Variants in GRAMD1B observed in about 807,000 individuals in gnomAD.
GRAMD1B encodes GRAM domain containing 1B.
A neutral mutation model predicts 99.7 loss-of-function variants in GRAMD1B; 37 were observed. The ratio of observed to expected loss-of-function variants is 0.37; its 90% CI spans 0.29 to 0.49. The LOEUF is 0.49. GRAMD1B is among the 20% of genes least tolerant of loss of function. The pLI, the probability that GRAMD1B is intolerant of heterozygous loss-of-function variation, is 0.98. For missense variants in GRAMD1B, 888 were observed against 1,009.2 expected, an observed-to-expected ratio of 0.88 and a Z score of 1.63; for synonymous variants, 427 against 387.6, an observed-to-expected ratio of 1.10 and a Z score of -1.19.
At chr11:123,561,662 G>A (rs970142451) in intron 2 of GRAMD1B, among the ~76,000 whole-genome samples, 27 of 152,236 alleles carry the variant, frequency 1.8e-4, no homozygotes, top group African/African-American at 6.3e-4. Flanking sequence ...AGCCATCTTT[G>A]CCTCTTCTCT....
At chr11:123,604,567 G>A (rs1405551066) in intron 9 of GRAMD1B, among the ~76,000 whole-genome samples, 4 of 152,218 alleles carry the variant, frequency 2.6e-5, no homozygotes, top group Non-Finnish European at 5.9e-5. Context: ...AGGGAAAAAA[G>A]CAAGAAAAGA....
At chr11:123,514,827 T>G (rs1385544933) in intron 2 of GRAMD1B, among the ~76,000 whole-genome samples, 1 of 152,138 alleles carries the variant, frequency 6.6e-6, no homozygotes, top group African/African-American at 2.4e-5. Context: ...TCTGATAACT[T>G]TATTATTACT....
intron 2 of GRAMD1B, among the ~76,000 whole-genome samples, chr11:123,495,932 A>G (rs1939202525): frequency 6.6e-6 from 1 of 152,154 alleles, no homozygotes; most frequent in Non-Finnish European, 1.5e-5. Flanking sequence ...AAAAGTTGCC[A>G]TAGATATTAT....
chr11:123,426,613 T>C (rs549530598), upstream of GRAMD1B, among the ~76,000 whole-genome samples: 10 of 152,260 alleles, frequency 6.6e-5, no homozygotes, highest in African/African-American at 2.2e-4. Flanking sequence ...TCGAATGTTG[T>C]GTAGGGGAGA....
chr11:123,425,606 A>T (rs1267207379), upstream of GRAMD1B, among the ~76,000 whole-genome samples: 1 of 152,214 alleles, frequency 6.6e-6, no homozygotes, highest in Admixed American at 6.5e-5. Flanking sequence ...TGTTGGAAAC[A>T]AAGAGCTGAC....
chr11:123,371,390 G>A (rs1343931481), intron 1 of GRAMD1B, among the ~76,000 whole-genome samples: 3 of 152,120 alleles, frequency 2.0e-5, no homozygotes, highest in Non-Finnish European at 4.4e-5. Flanking sequence ...CTATAATTGT[G>A]AGCCTTTTCT....
intron 2 of GRAMD1B, among the ~76,000 whole-genome samples, chr11:123,529,172 GAC>G (rs1228264981): frequency 9.3e-6 from 1 of 107,784 alleles, no homozygotes; most frequent in Non-Finnish European, 2.3e-5. Flanking sequence ...TCACACCTCC[GAC>G]ACATGTGTAC....
chr11:123,598,570 A>T, intron 7 of GRAMD1B: 1 of 1,553,252 alleles, frequency 6.4e-7, no homozygotes, highest in Non-Finnish European at 8.9e-7. Flanking sequence ...GTATCAAGTG[A>T]CTCTAGGGAC....
At chr11:123,481,979 G>A (rs1444548646) in intron 2 of GRAMD1B, among the ~76,000 whole-genome samples, 2 of 152,046 alleles carry the variant, frequency 1.3e-5, no homozygotes, top group Non-Finnish European at 2.9e-5. Flanking sequence ...GCTGAGAGGG[G>A]GTAGAGAACA....
chr11:123,387,529 G>A (rs1206764893), intron 1 of GRAMD1B, among the ~76,000 whole-genome samples: 1 of 152,084 alleles, frequency 6.6e-6, no homozygotes, highest in African/African-American at 2.4e-5. Flanking sequence ...TGCCAGGTGA[G>A]TGGGTTTGGA....
At chr11:123,592,070 C>G (rs1380985866) in intron 4 of GRAMD1B, among the ~76,000 whole-genome samples, 1 of 152,172 alleles carries the variant, frequency 6.6e-6, no homozygotes, top group Non-Finnish European at 1.5e-5. Flanking sequence ...AATAGGAAGA[C>G]TTGGGGCTTC....
chr11:123,552,969 G>A (rs917877370), intron 2 of GRAMD1B, among the ~76,000 whole-genome samples: 30 of 152,154 alleles, frequency 2.0e-4, no homozygotes, highest in African/African-American at 7.0e-4. Flanking sequence ...GTTTTCTAAA[G>A]TTATTTAGAT....
At chr11:123,520,512 T>A (rs1444212492) in intron 2 of GRAMD1B, among the ~76,000 whole-genome samples, 1 of 152,128 alleles carries the variant, frequency 6.6e-6, no homozygotes, top group East Asian at 1.9e-4. Flanking sequence ...GGCTCACACC[T>A]GCAATCCCAG....
chr11:123,431,871 C>A, intron 1 of GRAMD1B: 1 of 391,204 alleles, frequency 2.6e-6, no homozygotes, highest in Non-Finnish European at 4.5e-6. Flanking sequence ...TGCTGCAGGG[C>A]GCCCTAGAGC....
intron 1 of GRAMD1B, chr11:123,432,137 A>G (rs1948922963): frequency 2.5e-6 from 1 of 398,532 alleles, no homozygotes; most frequent in East Asian, 3.6e-5. Context: ...GTAAGTACTT[A>G]CTGAATATTT....
At chr11:123,548,611 T>TTTACTTTCCTCCTGGGTCTTGTG in intron 2 of GRAMD1B, among the ~76,000 whole-genome samples, 1 of 150,088 alleles carries the variant, frequency 6.7e-6, no homozygotes, top group Non-Finnish European at 1.5e-5. Context: ...AATTGAATGC[T>TTTACTTTCCTCCTGGGTCTTGTG]TGAAATGAAT....
At position 123,605,472 on chromosome 11, in the gene GRAMD1B, C is replaced by A. The variant is rs762055409; in HGVS notation, c.1317C>A (p.Pro439=). 8.1e-6 allele frequency: 13 copies of A among 1,609,552 alleles called. No homozygotes were observed. The Admixed American group carries it at 2.2e-4, about 27-fold the overall frequency. ...TLTSTGSSEA[P]VSFDGLPLEE... ...CATCCACAGGGAGCAGTGAGGCCCC[C>A]GTCTCGGTATGGGCAGTCAGCCTTT... Residue 439 remains proline, a synonymous_variant, in exon 10 of 20, where the codon CCC becomes CCA. Transcript: ENST00000635736.
At chr11:123,457,061 GTGATGGCACCACTGCACTCTAACC>G (rs1950164808) in intron 1 of GRAMD1B, among the ~76,000 whole-genome samples, 1 of 144,406 alleles carries the variant, frequency 6.9e-6, no homozygotes, top group African/African-American at 2.6e-5. Context: ...GCAGTGAGCT[GTGATGGCACCACTGCACTCTAACC>G]TGGGTGACAG....
At position 123,610,507 on chromosome 11, in the gene GRAMD1B, T is replaced by G. The variant is rs1278946374; in HGVS notation, c.1919+169T>G. The stretch of plus-strand genomic sequence containing the variant: ...GGCTCACCCACCACTCTGTTTGAGT[T>G]AATTATTCTCTCCACTCTCTACATC... On this transcript the variant is annotated intron_variant, in intron 14 of 19. Coordinates refer to ENST00000635736, the MANE Select transcript of GRAMD1B (RefSeq NM_001387025.1). This position sits in a 1 kb window ranked among gnomAD's most constrained non-coding sequence, Gnocchi z 4.1. Among the ~76,000 whole-genome samples the G allele has an allele frequency of 6.6e-6, 1 of 152,210 alleles. No homozygotes were observed. The highest frequency in any genetic ancestry group is 1.5e-5 in the Non-Finnish European group (1 of 68,042).
Sources: allele counts gnomAD v4.1 joint callset (sites outside exome capture counted in the v4.1 genomes callset), GRCh38; gene constraint gnomAD v4.1.1; non-coding constraint Gnocchi (gnomAD v3.1); transcripts MANE v1.5; gene names NCBI Gene and HGNC (gene_info 2026-07-23, HGNC 2026-07-21).